The following RALYL variants were observed in gnomAD, a reference collection of about 807,000 sequenced individuals.
The protein encoded by RALYL is RNA-binding Raly-like protein.
A neutral mutation model predicts 35.1 loss-of-function variants in RALYL; 29 were observed. The observed-to-expected ratio is 0.83, with a 90% CI of 0.61 to 1.13. RALYL has a LOEUF of 1.13. RALYL is among the 50% of genes most tolerant of loss of function. The pLI, the probability that RALYL is intolerant of heterozygous loss-of-function variation, is 0.00. For synonymous variants in RALYL, 120 were observed against 127.6 expected (o/e 0.94, Z 0.40); for missense variants, 359 against 360.4 (o/e 1.00, Z 0.03).
At chr8:84,470,604 G>T (rs1453930540) in intron 1 of RALYL, among the ~76,000 whole-genome samples, 1 of 152,044 alleles carries the variant, frequency 6.6e-6, no homozygotes, top group African/African-American at 2.4e-5. Flanking sequence ...CTGACATTGT[G>T]TCCTGCCAGC....
chr8:84,619,930 C>G (rs1820894410), intron 2 of RALYL, among the ~76,000 whole-genome samples: 2 of 151,522 alleles, frequency 1.3e-5, no homozygotes, highest in Admixed American at 1.3e-4. Context: ...CCCCCACTCT[C>G]TTCTGGCTTG....
intron 1 of RALYL, among the ~76,000 whole-genome samples, chr8:84,206,406 A>G (rs1258976810): frequency 6.6e-6 from 1 of 152,152 alleles, no homozygotes; most frequent in Non-Finnish European, 1.5e-5. Context: ...AAAGCTCCTT[A>G]TTTTAAGAGG....
chr8:84,722,039 G>A (rs1282857443), intron 2 of RALYL, among the ~76,000 whole-genome samples: 1 of 151,988 alleles, frequency 6.6e-6, no homozygotes, highest in Non-Finnish European at 1.5e-5. Context: ...TACAATGTCT[G>A]TCAATAATGA....
intron 1 of RALYL, among the ~76,000 whole-genome samples, chr8:84,493,727 A>G (rs1007342000): frequency 6.6e-6 from 1 of 152,130 alleles, no homozygotes; most frequent in Non-Finnish European, 1.5e-5. Flanking sequence ...TCTTTTGAGA[A>G]GTGTCTGTTC....
chr8:84,558,935 A>G (rs1459466449), intron 2 of RALYL, among the ~76,000 whole-genome samples: 4 of 152,140 alleles, frequency 2.6e-5, no homozygotes, highest in East Asian at 1.9e-4. Context: ...GTGAAGGAAC[A>G]CAATAGTAAT....
At chr8:84,305,467 T>G (rs1257862949) in intron 1 of RALYL, among the ~76,000 whole-genome samples, 1 of 152,138 alleles carries the variant, frequency 6.6e-6, no homozygotes, top group Non-Finnish European at 1.5e-5. Flanking sequence ...ATATAGAGGA[T>G]TACTTAAAAA....
At chr8:84,408,415 A>G (rs2043767993) in intron 1 of RALYL, among the ~76,000 whole-genome samples, 1 of 152,240 alleles carries the variant, frequency 6.6e-6, no homozygotes, top group Non-Finnish European at 1.5e-5. Flanking sequence ...GTTCAAAGTA[A>G]TAAAATATGT....
At chr8:84,315,922 A>G (rs1249077525) in intron 1 of RALYL, among the ~76,000 whole-genome samples, 1 of 152,118 alleles carries the variant, frequency 6.6e-6, no homozygotes, top group Non-Finnish European at 1.5e-5. Context: ...TGCTTTGGTA[A>G]TAACAACCAA....
chr8:84,503,774 TCTC>T (rs1365862413), intron 1 of RALYL, among the ~76,000 whole-genome samples: 1 of 149,778 alleles, frequency 6.7e-6, no homozygotes, highest in Non-Finnish European at 1.5e-5. Context: ...GGCTTGATGA[TCTC>T]CTGCTGAGGC....
chr8:84,751,881 C>T (rs896968801), intron 2 of RALYL, among the ~76,000 whole-genome samples: 16 of 152,248 alleles, frequency 1.1e-4, no homozygotes, highest in African/African-American at 3.6e-4. Flanking sequence ...TACCCAGTCT[C>T]AGGTAGTTGT....
At chr8:84,240,322 A>G (rs974608711) in intron 1 of RALYL, among the ~76,000 whole-genome samples, 2 of 152,232 alleles carry the variant, frequency 1.3e-5, no homozygotes, top group East Asian at 3.8e-4. Context: ...ATCCTTCCAA[A>G]ATTCCAATTA....
In RALYL at chr8:84,409,223, T is replaced by A. The variant is rs147042576; in HGVS notation, c.-23-120076T>A. On this transcript the variant is annotated intron_variant, in intron 1 of 8. Transcript: ENST00000521268. Reference sequence around the variant, plus strand: ...GAGCAGGTGATTTTATTTCATTGAGTTCTCATTTACTCATGTATATGTTAA... The same window carrying A: ...GAGCAGGTGATTTTATTTCATTGAGATCTCATTTACTCATGTATATGTTAA... Among the ~76,000 whole-genome samples the A allele has an allele frequency of 1.5e-3, 222 of 152,226 alleles. 1 individual carries two copies. The highest frequency in any genetic ancestry group is 5.1e-3 in the African/African-American group (211 of 41,548).
chr8:84,346,373 A>G, intron 1 of RALYL, among the ~76,000 whole-genome samples: 1 of 152,076 alleles, frequency 6.6e-6, no homozygotes, highest in East Asian at 1.9e-4. Context: ...TTGTCATTGG[A>G]GTATGTTTGT....
At chr8:84,859,893 A>C (rs1305642462) in intron 5 of RALYL, among the ~76,000 whole-genome samples, 1 of 152,122 alleles carries the variant, frequency 6.6e-6, no homozygotes, top group Non-Finnish European at 1.5e-5. Flanking sequence ...CCTTTGAAGT[A>C]ACTCACCAAA....
At chr8:84,404,350 A>G (rs2043237792) in intron 1 of RALYL, among the ~76,000 whole-genome samples, 1 of 152,112 alleles carries the variant, frequency 6.6e-6, no homozygotes, top group African/African-American at 2.4e-5. Flanking sequence ...TGTTCCATCA[A>G]TACCTAGTTT....
chr8:84,590,839 C>T (rs1813083737), intron 2 of RALYL, among the ~76,000 whole-genome samples: 1 of 152,090 alleles, frequency 6.6e-6, no homozygotes, highest in Non-Finnish European at 1.5e-5. Flanking sequence ...TAAGCTGTCT[C>T]CTCTGACTTT....
intron 3 of RALYL, among the ~76,000 whole-genome samples, chr8:84,797,504 G>A (rs560016569): frequency 5.3e-5 from 8 of 152,246 alleles, no homozygotes; most frequent in Middle Eastern, 3.4e-3. Context: ...AGACTCCCTC[G>A]TTGTTTGCGG....
intron 1 of RALYL, among the ~76,000 whole-genome samples, chr8:84,452,902 G>A (rs2049668172): frequency 6.6e-6 from 1 of 151,958 alleles, no homozygotes; most frequent in South Asian, 2.1e-4. Context: ...CTCCTTAAAG[G>A]GAAATTCAGC....
chr8:84,249,602 T>C (rs1829782036), intron 1 of RALYL, among the ~76,000 whole-genome samples: 1 of 152,254 alleles, frequency 6.6e-6, no homozygotes, highest in Non-Finnish European at 1.5e-5. Flanking sequence ...GAATGAGGAA[T>C]CCTATAGTCT....
Sources: allele counts gnomAD v4.1 joint callset (sites outside exome capture counted in the v4.1 genomes callset), GRCh38; gene constraint gnomAD v4.1.1; transcripts MANE v1.5; gene names NCBI Gene and HGNC (gene_info 2026-07-23, HGNC 2026-07-21).